Variants in KIF26B observed in about 807,000 individuals in gnomAD.
The protein encoded by KIF26B is kinesin-like protein KIF26B.
In KIF26B, 63 loss-of-function variants were observed where a neutral mutation model predicts 151.2. The observed-to-expected ratio is 0.42, with a 90% CI of 0.34 to 0.51. KIF26B has a LOEUF of 0.51. Among genes scored for constraint, KIF26B ranks in the 20% least tolerant of loss-of-function variants. The pLI is 0.07. For missense variants in KIF26B, 2,813 were observed against 2,913.6 expected (o/e 0.97, Z 0.79); for synonymous variants, 1,357 against 1,262.1 (o/e 1.08, Z -1.59).
At chr1:245,593,904 G>GCATTT (rs1390225948) in intron 5 of KIF26B, among the ~76,000 whole-genome samples, 17 of 152,272 alleles carry the variant, frequency 1.1e-4, no homozygotes, top group African/African-American at 4.1e-4. Context: ...GTGTTGCTTT[G>GCATTT]CATTTCCCTA....
chr1:245,442,774 CACT>C (rs1659141908), intron 4 of KIF26B, among the ~76,000 whole-genome samples: 3 of 138,730 alleles, frequency 2.2e-5, no homozygotes, highest in Admixed American at 1.5e-4. Flanking sequence ...TCATCTCCCT[CACT>C]GTTCACCTAC....
At chr1:245,639,014 C>T (rs1053497802) in intron 9 of KIF26B, among the ~76,000 whole-genome samples, 5 of 151,876 alleles carry the variant, frequency 3.3e-5, no homozygotes, top group South Asian at 4.1e-4. Context: ...GTATTTCCTC[C>T]TCTTCAATTG....
chr1:245,327,491 G>T (rs1033343359), intron 2 of KIF26B, among the ~76,000 whole-genome samples: 1 of 152,138 alleles, frequency 6.6e-6, no homozygotes, highest in African/African-American at 2.4e-5. Flanking sequence ...TTTTAGCTAT[G>T]AAACATCTCT....
intron 2 of KIF26B, among the ~76,000 whole-genome samples, chr1:245,303,366 T>C (rs1351230764): frequency 6.6e-6 from 1 of 150,526 alleles, no homozygotes; most frequent in African/African-American, 2.5e-5. Flanking sequence ...GCCCGGCTAA[T>C]TTTTTGTATT....
Position 245,307,814 on chromosome 1 carries a change from C to T in KIF26B, c.466-59020C>T, listed in dbSNP as rs368616148. On this transcript the variant is annotated intron_variant, in intron 2 of 14. Transcript: ENST00000407071. ...GGAGTGCGGTGGCGCGATCTGGGCTCACTGCAAGCTCCGCCTCCCGGGTTC... is the reference window on the plus strand; with the variant it reads ...GGAGTGCGGTGGCGCGATCTGGGCTTACTGCAAGCTCCGCCTCCCGGGTTC... 3.3e-3 allele frequency among the ~76,000 whole-genome samples: 497 copies of T among 151,314 alleles called. 3 individuals are homozygous for T. Among genetic ancestry groups the T allele is most frequent in the African/African-American group, 0.011 (471 of 41,184 alleles).
chr1:245,219,164 A>T (rs1350165739), intron 2 of KIF26B, among the ~76,000 whole-genome samples: 1 of 92,424 alleles, frequency 1.1e-5, no homozygotes. Context: ...TTTGAGACGG[A>T]GTCTTGCTCT....
chr1:245,232,952 C>T (rs1466673978), intron 2 of KIF26B, among the ~76,000 whole-genome samples: 2 of 152,204 alleles, frequency 1.3e-5, no homozygotes, highest in Non-Finnish European at 2.9e-5. Flanking sequence ...TTCTACTCAA[C>T]GTAGCACACG....
chr1:245,705,220 G>T lies in KIF26B; in HGVS notation c.*2614G>T, dbSNP rs1251582224. 1.3e-5 allele frequency: 2 copies of T among 152,188 alleles called. No individual in the cohort carries two copies. Among genetic ancestry groups the T allele is most frequent in the Admixed American group, 6.5e-5 (1 of 15,286 alleles). 9.4% of individuals were successfully genotyped at this position (152,188 alleles called of 1,614,324 possible). A position where few individuals can be genotyped will look rare whatever the true frequency, so the allele number is the denominator to read the frequency against. The stretch of plus-strand genomic sequence containing the variant: ...CAGAACACCTCGCAGGATCTCGCAG[G>T]CCACGGTGAAGGAGAATGCTTTATG... On this transcript the variant is annotated 3_prime_UTR_variant, in exon 15 of 15. Coordinates refer to ENST00000407071, the MANE Select transcript of KIF26B (RefSeq NM_018012.4).
chr1:245,455,333 A>G (rs1659493415), intron 4 of KIF26B, among the ~76,000 whole-genome samples: 1 of 152,024 alleles, frequency 6.6e-6, no homozygotes. Context: ...GTGAAACCCC[A>G]TCTCTACTAA....
At chr1:245,474,009 T>C (rs1659973850) in intron 4 of KIF26B, among the ~76,000 whole-genome samples, 1 of 151,920 alleles carries the variant, frequency 6.6e-6, no homozygotes, top group East Asian at 1.9e-4. Flanking sequence ...TCCCCTTTCT[T>C]TATGCTAGAA....
intron 3 of KIF26B, among the ~76,000 whole-genome samples, chr1:245,391,360 T>C (rs1217708391): frequency 6.6e-6 from 1 of 152,256 alleles, no homozygotes; most frequent in Admixed American, 6.5e-5. Context: ...TACACAGTTA[T>C]CTGAATACTC....
At chr1:245,253,140 G>A (rs911329799) in intron 2 of KIF26B, among the ~76,000 whole-genome samples, 3 of 151,160 alleles carry the variant, frequency 2.0e-5, no homozygotes, top group Non-Finnish European at 4.4e-5. Context: ...CTCCCGAGTA[G>A]CTGGGACTAC....
At chr1:245,311,535 G>A (rs1486595373) in intron 2 of KIF26B, among the ~76,000 whole-genome samples, 4 of 151,918 alleles carry the variant, frequency 2.6e-5, no homozygotes, top group Non-Finnish European at 4.4e-5. Flanking sequence ...CCAGGAGTTC[G>A]AGGCTGCAGT....
chr1:245,297,097 CTT>C (rs10577926), intron 2 of KIF26B, among the ~76,000 whole-genome samples: 65,962 of 151,920 alleles, frequency 0.43, 15,030 homozygotes, highest in East Asian at 0.59. Flanking sequence ...AATCCCAACA[CTT>C]TGGGAGGCCA....
rs183466203 is a variant in KIF26B, at chr1:245,270,205, C to T, written c.466-96629C>T. Reference sequence around the variant, plus strand: ...TTCCATTCCTTCTTCTTTTCCCTTCCCTTTCTTCTTCCCTTCCTTCTTCCT... The same window carrying T: ...TTCCATTCCTTCTTCTTTTCCCTTCTCTTTCTTCTTCCCTTCCTTCTTCCT... On this transcript the variant is annotated intron_variant, in intron 2 of 14. Transcript: ENST00000407071. 3.4e-3 allele frequency among the ~76,000 whole-genome samples: 469 copies of T among 138,454 alleles called. 19 individuals carry two copies. In the East Asian group the frequency reaches 0.045, roughly 13 times the overall value. The allele number at this position is 138,454 out of a possible 152,430, so 90.8% of individuals were successfully genotyped here.
At chr1:245,324,320 A>G (rs770283771) in intron 2 of KIF26B, among the ~76,000 whole-genome samples, 15 of 152,232 alleles carry the variant, frequency 9.9e-5, no homozygotes, top group Non-Finnish European at 2.1e-4. Context: ...AAAAAATATC[A>G]GAATATATTG....
chr1:245,648,698 T>A (rs2043980311), intron 10 of KIF26B, among the ~76,000 whole-genome samples: 1 of 152,202 alleles, frequency 6.6e-6, no homozygotes, highest in African/African-American at 2.4e-5. Flanking sequence ...AAGCATATTT[T>A]TAACATGCTG....
intron 2 of KIF26B, among the ~76,000 whole-genome samples, chr1:245,295,869 A>G (rs1039031729): frequency 6.6e-6 from 1 of 152,152 alleles, no homozygotes; most frequent in African/African-American, 2.4e-5. Flanking sequence ...CCTTGACTTG[A>G]TGGCCTTGAG....
At chr1:245,378,350 T>G (rs1395844941) in intron 3 of KIF26B, among the ~76,000 whole-genome samples, 12 of 146,714 alleles carry the variant, frequency 8.2e-5, no homozygotes, top group Non-Finnish European at 1.6e-4. Flanking sequence ...AGGTGGGGGG[T>G]GGTGGGAATG....
Sources: allele counts gnomAD v4.1 joint callset (sites outside exome capture counted in the v4.1 genomes callset), GRCh38; gene constraint gnomAD v4.1.1; transcripts MANE v1.5; gene names NCBI Gene and HGNC (gene_info 2026-07-23, HGNC 2026-07-21).